CCDC192: variants seen among roughly 807,000 people sequenced by gnomAD.
CCDC192 encodes coiled-coil domain-containing protein 192.
intron 5 of CCDC192, among the ~76,000 whole-genome samples, chr5:127,806,066 T>C (rs1757764504): frequency 6.6e-6 from 1 of 152,176 alleles, no homozygotes; most frequent in South Asian, 2.1e-4. Context: ...CCTGCCCAGT[T>C]AGATGTGGTT....
At chr5:127,760,889 C>T (rs1191191756) in intron 3 of CCDC192, among the ~76,000 whole-genome samples, 2 of 151,992 alleles carry the variant, frequency 1.3e-5, no homozygotes, top group Middle Eastern at 3.4e-3. Context: ...TGATGAGACT[C>T]CTGGAATGTA....
At chr5:127,757,111 T>C (rs1754644352) in intron 3 of CCDC192, among the ~76,000 whole-genome samples, 1 of 152,336 alleles carries the variant, frequency 6.6e-6, no homozygotes, top group East Asian at 1.9e-4. Context: ...GGGAAAGACA[T>C]GTAAGCCAGA....
intron 5 of CCDC192, among the ~76,000 whole-genome samples, chr5:127,822,331 A>G (rs929048083): frequency 1.3e-5 from 2 of 152,196 alleles, no homozygotes; most frequent in African/African-American, 4.8e-5. Context: ...GAGATTAGAA[A>G]CAGTTAACAG....
intron 5 of CCDC192, among the ~76,000 whole-genome samples, chr5:127,824,630 T>C (rs1209374356): frequency 6.6e-6 from 1 of 152,124 alleles, no homozygotes; most frequent in African/African-American, 2.4e-5. Context: ...TTGGATATCA[T>C]TAAATTTAGA....
At chr5:127,900,091 C>T (rs766135803) in intron 6 of CCDC192, among the ~76,000 whole-genome samples, 15 of 151,966 alleles carry the variant, frequency 9.9e-5, no homozygotes, top group Admixed American at 3.3e-4. Flanking sequence ...GAGTGTAGAG[C>T]GGAAAGAATC....
At chr5:127,879,980 A>G (rs1166053027) in intron 6 of CCDC192, among the ~76,000 whole-genome samples, 1 of 152,020 alleles carries the variant, frequency 6.6e-6, no homozygotes, top group African/African-American at 2.4e-5. Context: ...ACACATTTAC[A>G]CTGTTGGTGG....
intron 5 of CCDC192, among the ~76,000 whole-genome samples, chr5:127,823,826 C>G (rs1332652387): frequency 6.6e-6 from 1 of 152,182 alleles, no homozygotes; most frequent in Non-Finnish European, 1.5e-5. Flanking sequence ...TGGTGAAAGG[C>G]TTTCTGTTCC....
At chr5:127,915,339 C>T (rs775055661) in intron 6 of CCDC192, among the ~76,000 whole-genome samples, 10 of 152,230 alleles carry the variant, frequency 6.6e-5, no homozygotes, top group Non-Finnish European at 1.3e-4. Flanking sequence ...GGGCCACATA[C>T]AGCCCAGGAC....
At chr5:127,745,273 A>T (rs1753673695) in intron 2 of CCDC192, among the ~76,000 whole-genome samples, 1 of 152,248 alleles carries the variant, frequency 6.6e-6, no homozygotes, top group South Asian at 2.1e-4. Flanking sequence ...AAGGCTTAAC[A>T]GCAAGGTAGA....
intron 5 of CCDC192, among the ~76,000 whole-genome samples, chr5:127,811,591 T>C (rs1758087107): frequency 6.6e-6 from 1 of 152,172 alleles, no homozygotes; most frequent in Non-Finnish European, 1.5e-5. Context: ...TGTGAAGAAA[T>C]ACTAAAATTA....
intron 3 of CCDC192, chr5:127,786,827 C>G (rs1756566651): frequency 1.9e-6 from 1 of 537,672 alleles, no homozygotes; most frequent in Non-Finnish European, 3.5e-6. Flanking sequence ...GTGTCTGCCC[C>G]TTTTTTGATG....
chr5:127,786,442 C>T, intron 3 of CCDC192: 1 of 627,394 alleles, frequency 1.6e-6, no homozygotes, highest in Non-Finnish European at 3.0e-6. Context: ...TAACACTGTA[C>T]AACTCCACTC....
rs1184219485 is a variant in CCDC192, at chr5:127,836,780, C to A, written c.411+38618C>A. Among the ~76,000 whole-genome samples, 9 of 80,610 alleles carry A rather than the reference C, an allele frequency of 1.1e-4. 3 individuals are homozygous for A. Among genetic ancestry groups the A allele is most frequent in the Admixed American group, 5.0e-4 (4 of 8,068 alleles). 52.9% of individuals were successfully genotyped at this position (80,610 alleles called of 152,430 possible). ...CAAGGCTGCATAGAGCAGCAGAGGG[C>A]CCCTGGACCAGGCCCACAAAACCAG... On this transcript the variant is annotated intron_variant, in intron 5 of 6. Transcript: ENST00000514853.
intron 2 of CCDC192, among the ~76,000 whole-genome samples, chr5:127,739,166 C>T (rs1267710174): frequency 3.3e-5 from 5 of 152,008 alleles, no homozygotes; most frequent in African/African-American, 1.2e-4. Context: ...CCCTCAGCTG[C>T]AGGTCTGTTG....
chr5:127,717,928 C>CAAAAAAAAAAAAAAAGAAAAAA (rs1751719229), intron 2 of CCDC192, among the ~76,000 whole-genome samples: 1 of 98,074 alleles, frequency 1.0e-5, no homozygotes, highest in African/African-American at 3.9e-5. Flanking sequence ...TAAAGCTAGA[C>CAAAAAAAAAAAAAAAGAAAAAA]AAAAAAAAAA....
At position 127,776,758 on chromosome 5, in the gene CCDC192, G is replaced by A. The variant is rs945882242; in HGVS notation, c.223-20345G>A. On this transcript the variant is annotated intron_variant, in intron 3 of 6. Coordinates refer to ENST00000514853, the MANE Select transcript of CCDC192 (RefSeq NM_001317938.2). ...CTGCATTCCAGCCACTCCAGTCATG[G>A]CTAAAAGGGGCCAAGGTACAGTTCA... Among the ~76,000 whole-genome samples the A allele has an allele frequency of 2.6e-5, 4 of 152,322 alleles. No homozygotes were observed. The East Asian group carries it at 7.7e-4, about 29-fold the overall frequency.
intron 2 of CCDC192, among the ~76,000 whole-genome samples, chr5:127,728,754 G>GCCCAT (rs1349423593): frequency 3.3e-5 from 5 of 152,122 alleles, no homozygotes; most frequent in Admixed American, 1.3e-4. Flanking sequence ...AGAATGGCAG[G>GCCCAT]CTGAATAAAG....
chr5:127,848,496 C>T (rs1173919561), intron 5 of CCDC192, among the ~76,000 whole-genome samples: 4 of 152,104 alleles, frequency 2.6e-5, no homozygotes, highest in Non-Finnish European at 5.9e-5. Context: ...CTTATTGAAG[C>T]CAGTCCAACA....
chr5:127,765,970 A>C (rs531058213), intron 3 of CCDC192, among the ~76,000 whole-genome samples: 1 of 152,142 alleles, frequency 6.6e-6, no homozygotes, highest in African/African-American at 2.4e-5. Flanking sequence ...TTCCCTGCTC[A>C]CTGAAATTCT....
Sources: gnomAD v4.1 joint callset for allele counts (sites outside exome capture counted in the v4.1 genomes callset) on GRCh38, gnomAD v4.1.1 for gene constraint, MANE v1.5 for transcripts, NCBI Gene and HGNC (gene_info 2026-07-23, HGNC 2026-07-21) for gene names.